RNF34: variants seen among roughly 807,000 people sequenced by gnomAD.
RNF34 encodes ring finger protein 34, also known as E3 ubiquitin-protein ligase RNF34.
A neutral mutation model predicts 37.9 loss-of-function variants in RNF34; 12 were observed. That is an observed-to-expected ratio of 0.32 (90% confidence interval 0.20 to 0.51). The LOEUF (loss-of-function observed/expected upper bound fraction) is 0.51. Among genes scored for constraint, RNF34 ranks in the 20% least tolerant of loss-of-function variants. The probability of loss-of-function intolerance (pLI) is 0.97; values close to 1 mark genes in which losing one functional copy is unlikely to be tolerated. For synonymous variants in RNF34, 155 were observed against 177.2 expected, an observed-to-expected ratio of 0.87 and a Z score of 1.00; for missense variants, 362 against 472.7, an observed-to-expected ratio of 0.77 and a Z score of 2.17.
chr12:121,420,680 C>T lies in RNF34; in HGVS notation c.830C>T (p.Ala277Val), dbSNP rs1555283194. 1.2e-6 allele frequency: 2 copies of T among 1,613,962 alleles called. No homozygotes were observed. The change falls in exon 5 of 6, where the codon GCT becomes GTT. Residue 277 changes from alanine to valine, a missense_variant. Transcript: ENST00000361234. The stretch of plus-strand genomic sequence containing the variant: ...GTGCGCCAGCTGAAGGAAATTCTGG[C>T]TCGGAATTTTGTCAACTATTCTGGC... Reference protein sequence around the residue: ...MSVRQLKEILARNFVNYSGCC... With the variant: ...MSVRQLKEILVRNFVNYSGCC...
In RNF34 at chr12:121,417,742, C is replaced by T. The variant is rs1555282446; in HGVS notation, c.464C>T (p.Ser155Phe). ...GTACTGTGCCATCATGGACTAGGCTCTGAGGACGACATGGACACAAGCAGT... is the reference window on the plus strand; with the variant it reads ...GTACTGTGCCATCATGGACTAGGCTTTGAGGACGACATGGACACAAGCAGT... The part of the protein sequence containing the change: ...DLVLCHHGLG[S>F]EDDMDTSSLN... Residue 155 changes from serine (S) to phenylalanine (F), a missense_variant, in exon 3 of 6, where the codon TCT (serine) becomes TTT (phenylalanine). Ser to Phe is a radical substitution (Grantham distance 155). Coordinates refer to ENST00000361234, the MANE Select transcript of RNF34 (RefSeq NM_025126.4). The surrounding 1 kb of genome is among the most constrained non-coding windows in gnomAD (Gnocchi z 5.0). 2 of 1,614,166 alleles carry T rather than the reference C, an allele frequency of 1.2e-6. No homozygotes were observed. Among genetic ancestry groups the T allele is most frequent in the East Asian group, 4.5e-5 (2 of 44,890 alleles).
chr12:121,401,624 TTATA>T (rs1870006674), intron 1 of RNF34, among the ~76,000 whole-genome samples: 1 of 152,182 alleles, frequency 6.6e-6, no homozygotes, highest in Non-Finnish European at 1.5e-5. Flanking sequence ...GCAGGGATCT[TTATA>T]TATAATGCCT....
chr12:121,404,516 A>G (rs1870334703), intron 1 of RNF34, among the ~76,000 whole-genome samples: 2 of 139,058 alleles, frequency 1.4e-5, no homozygotes, highest in Non-Finnish European at 3.0e-5. Flanking sequence ...CCTCCTGTGT[A>G]GCTGGGACTA....
At chr12:121,403,555 C>T (rs1311045145) in intron 1 of RNF34, among the ~76,000 whole-genome samples, 1 of 152,034 alleles carries the variant, frequency 6.6e-6, no homozygotes, top group Non-Finnish European at 1.5e-5. Flanking sequence ...AGATTTAATA[C>T]ATCTTTTTCC....
intron 5 of RNF34, 41 bp downstream of exon 5, chr12:121,420,819 T>G: frequency 6.7e-7 from 1 of 1,493,880 alleles, no homozygotes; most frequent in Non-Finnish European, 9.3e-7. Context: ...GTATTTTTCC[T>G]TAGGCTTTTA....
In RNF34 at chr12:121,422,588, A is replaced by C. The variant is rs557896634; in HGVS notation, c.929-798A>C. Among the ~76,000 whole-genome samples, 4 of 152,318 alleles carry C rather than the reference A, an allele frequency of 2.6e-5. No individual in the cohort carries two copies. The South Asian group carries it at 8.3e-4, about 32-fold the overall frequency. On this transcript the variant is annotated intron_variant, in intron 5 of 5. Transcript: ENST00000361234. ...GAATGGCAGTAAAACATTTCTCTTA[A>C]ATCTAGAGACTACTGACCTTTCAAG...
chr12:121,400,971 C>T (rs1025271823), intron 1 of RNF34, among the ~76,000 whole-genome samples: 6 of 152,110 alleles, frequency 3.9e-5, no homozygotes, highest in Non-Finnish European at 8.8e-5. Flanking sequence ...GAACAGCAGT[C>T]AGTTCAGGGT....
chr12:121,414,903 T>C (rs1034218282), intron 1 of RNF34, among the ~76,000 whole-genome samples: 1 of 152,138 alleles, frequency 6.6e-6, no homozygotes, highest in East Asian at 1.9e-4. Context: ...AGACCAGCCA[T>C]GGTCAACATG....
At chr12:121,421,718 TTTAAA>T (rs1285668893) in intron 5 of RNF34, among the ~76,000 whole-genome samples, 4 of 152,212 alleles carry the variant, frequency 2.6e-5, no homozygotes, top group Admixed American at 2.6e-4. Context: ...ACTTAATATT[TTTAAA>T]TTGAGACAGG....
intron 3 of RNF34, chr12:121,418,254 C>T (rs537087822): frequency 5.8e-5 from 12 of 205,822 alleles, no homozygotes; most frequent in East Asian, 2.4e-4. Context: ...TGTTAGTGCA[C>T]GTGTTTCAGT....
chr12:121,419,281 C>T (rs1871876873), intron 3 of RNF34, among the ~76,000 whole-genome samples: 1 of 152,214 alleles, frequency 6.6e-6, no homozygotes, highest in Non-Finnish European at 1.5e-5. Context: ...GCCCTATAGC[C>T]TAGGTGTGTA....
intron 1 of RNF34, among the ~76,000 whole-genome samples, chr12:121,411,514 T>G (rs1566228505): frequency 6.6e-6 from 1 of 152,202 alleles, no homozygotes; most frequent in African/African-American, 2.4e-5. Context: ...CTTCCCTAAT[T>G]CATTGTAAAA....
rs1593682162 is a variant in RNF34, at chr12:121,423,250, T to C, written c.929-136T>C. ...CCAAAGTGCAGAGAAGTTGGGATTATTTCTTGTACAACACTGGGGTGGCAT... is the reference window on the plus strand; with the variant it reads ...CCAAAGTGCAGAGAAGTTGGGATTACTTCTTGTACAACACTGGGGTGGCAT... On this transcript the variant is annotated intron_variant, in intron 5 of 5. Coordinates refer to ENST00000361234, the MANE Select transcript of RNF34 (RefSeq NM_025126.4). This position sits in a 1 kb window ranked among gnomAD's most constrained non-coding sequence, Gnocchi z 4.3. 6 of 606,754 alleles carry C rather than the reference T, an allele frequency of 9.9e-6. No individual in the cohort carries two copies. The East Asian group carries it at 1.7e-4, about 18-fold the overall frequency. The allele number at this position is 606,754 out of a possible 1,614,324, so 37.6% of individuals were successfully genotyped here. A position where few individuals can be genotyped will look rare whatever the true frequency, so the allele number is the denominator to read the frequency against.
intron 1 of RNF34, among the ~76,000 whole-genome samples, chr12:121,408,642 A>G (rs1268057890): frequency 6.6e-6 from 1 of 152,182 alleles, no homozygotes; most frequent in Non-Finnish European, 1.5e-5. Flanking sequence ...GATGAAACAT[A>G]CTAAAGGAGA....
chr12:121,417,174 G>A lies in RNF34; in HGVS notation c.226-330G>A, dbSNP rs534940579. On this transcript the variant is annotated intron_variant, in intron 2 of 5. Coordinates refer to ENST00000361234, the MANE Select transcript of RNF34 (RefSeq NM_025126.4). This position sits in a 1 kb window ranked among gnomAD's most constrained non-coding sequence, Gnocchi z 5.0. ...TGTTCATGTAGGAAAAGACCAGGAA[G>A]TGTGATTCTGCTTTCTGCTCTGTGT... 8.2e-4 allele frequency among the ~76,000 whole-genome samples: 125 copies of A among 152,338 alleles called. No individual in the cohort carries two copies. The highest frequency in any genetic ancestry group is 1.4e-3 in the Non-Finnish European group (92 of 68,036).
chr12:121,402,869 TC>T, intron 1 of RNF34: 2 of 1,214,226 alleles, frequency 1.6e-6, no homozygotes, highest in South Asian at 2.5e-5. Context: ...CAATGTCTTG[TC>T]TAAAAGTATT....
Position 121,417,887 on chromosome 12 carries a change from A to G in RNF34, c.609A>G (p.Thr203=), listed in dbSNP as rs782806965. ...GAGAGCTTATGGATGGAGACCAAAC[A>G]TCCAGATCTGGAGTGCCGGCACAGG... The part of the protein sequence containing the change: ...FQGELMDGDQ[T]SRSGVPAQVQ... The change falls in exon 3 of 6, where the codon ACA becomes ACG. Residue 203 remains threonine (T), a synonymous_variant. Transcript: ENST00000361234. This position sits in a 1 kb window ranked among gnomAD's most constrained non-coding sequence, Gnocchi z 5.0. The G allele has an allele frequency of 1.2e-6, 2 of 1,614,070 alleles. No homozygotes were observed. Among genetic ancestry groups the G allele is most frequent in the Non-Finnish European group, 1.7e-6 (2 of 1,180,012 alleles).
In RNF34 at chr12:121,417,827, T is replaced by C. The variant is rs782153356; in HGVS notation, c.549T>C (p.Tyr183=). 1.2e-6 allele frequency: 2 copies of C among 1,614,192 alleles called. No homozygotes were observed. The highest frequency in any genetic ancestry group is 1.7e-6 in the Non-Finnish European group (2 of 1,180,038). Residue 183 remains tyrosine (Y), a synonymous_variant, in exon 3 of 6, where the codon TAT becomes TAC. Coordinates refer to ENST00000361234, the MANE Select transcript of RNF34 (RefSeq NM_025126.4). This position sits in a 1 kb window ranked among gnomAD's most constrained non-coding sequence, Gnocchi z 5.0. ...TTACACGTTCGTTTTTTTCAAACTA[T>C]ACAGCCCCCTCTGCTACTATGTCTT... ...SFFTRSFFSN[Y]TAPSATMSSF...
At chr12:121,404,581 G>C (rs1212879692) in intron 1 of RNF34, among the ~76,000 whole-genome samples, 1 of 151,612 alleles carries the variant, frequency 6.6e-6, no homozygotes, top group South Asian at 2.1e-4. Flanking sequence ...AGTAGAGACC[G>C]GGTTTCACCA....
Sources: gnomAD v4.1 joint callset for allele counts (sites outside exome capture counted in the v4.1 genomes callset) on GRCh38, gnomAD v4.1.1 for gene constraint, Gnocchi (gnomAD v3.1) non-coding constraint, MANE v1.5 for transcripts, NCBI Gene and HGNC (gene_info 2026-07-23, HGNC 2026-07-21) for gene names.